SENP6: variants seen among roughly 807,000 people sequenced by gnomAD.
The protein encoded by SENP6 is sentrin-specific protease 6.
SENP6 carries 41 observed loss-of-function variants against 134.5 expected under a neutral mutation model. The observed-to-expected ratio is 0.30, with a 90% confidence interval of 0.24 to 0.40. The LOEUF is 0.40. Among genes scored for constraint, SENP6 ranks in the 10% least tolerant of loss-of-function variants. The pLI is 1.00. For synonymous variants in SENP6, 395 were observed against 429.8 expected, an observed-to-expected ratio of 0.92 and a Z score of 1.00; for missense variants, 1,248 against 1,312.5, an observed-to-expected ratio of 0.95 and a Z score of 0.76.
At chr6:75,642,445 G>A (rs910816888) in intron 6 of SENP6, among the ~76,000 whole-genome samples, 1 of 152,154 alleles carries the variant, frequency 6.6e-6, no homozygotes, top group African/African-American at 2.4e-5. Flanking sequence ...GCAGTGCCAC[G>A]ATCATAAGAA....
chr6:75,612,325 T>C (rs1767515126), intron 1 of SENP6, among the ~76,000 whole-genome samples: 2 of 152,198 alleles, frequency 1.3e-5, no homozygotes, highest in Non-Finnish European at 2.9e-5. Flanking sequence ...TTTAATTCTC[T>C]CTATATTTTC....
chr6:75,688,367 C>T (rs904976904), intron 16 of SENP6, among the ~76,000 whole-genome samples: 8 of 152,212 alleles, frequency 5.3e-5, no homozygotes, highest in Admixed American at 3.3e-4. Flanking sequence ...GGTGATGCCC[C>T]GCCCTGCTTC....
At chr6:75,692,434 A>G (rs1774342114) in intron 16 of SENP6, among the ~76,000 whole-genome samples, 2 of 151,668 alleles carry the variant, frequency 1.3e-5, no homozygotes, top group Non-Finnish European at 2.9e-5. Context: ...ATATTGGGCA[A>G]TATAGCAAGA....
At position 75,602,344 on chromosome 6, in the gene SENP6, G is replaced by A. The variant is rs2149813681; in HGVS notation, c.-181G>A. ...CCCGCCAGCCCGCGGACAGGCCCGG[G>A]CGCGCCTGGCCTGCCTTTGTATAGG... On this transcript the variant is annotated 5_prime_UTR_variant, in exon 1 of 24. Transcript: ENST00000447266. 2 of 572,650 alleles carry A rather than the reference G, an allele frequency of 3.5e-6. No homozygotes were observed. The highest frequency in any genetic ancestry group is 2.0e-5 in the African/African-American group (1 of 49,960). The allele number at this position is 572,650 out of a possible 1,614,324, so 35.5% of individuals were successfully genotyped here. A position where few individuals can be genotyped will look rare whatever the true frequency, so the allele number is the denominator to read the frequency against.
intron 19 of SENP6, 49 bp downstream of exon 19, chr6:75,703,121 G>A: frequency 2.9e-6 from 4 of 1,388,304 alleles, no homozygotes; most frequent in East Asian, 4.6e-5. Flanking sequence ...GAATAATCTG[G>A]ATTTTTTAAT....
intron 18 of SENP6, among the ~76,000 whole-genome samples, chr6:75,698,284 G>A (rs1258370260): frequency 6.6e-6 from 1 of 152,200 alleles, no homozygotes; most frequent in South Asian, 2.1e-4. Context: ...CCTAGGTAAA[G>A]AAGTAGCATT....
chr6:75,643,365 A>T (rs1181953813), intron 6 of SENP6, among the ~76,000 whole-genome samples: 1 of 152,224 alleles, frequency 6.6e-6, no homozygotes, highest in African/African-American at 2.4e-5. Flanking sequence ...GCCACAAGAG[A>T]TGCAAACAAA....
At position 75,707,988 on chromosome 6, in the gene SENP6, A is replaced by G. The variant is rs945190111; in HGVS notation, c.2717-1539A>G. Among the ~76,000 whole-genome samples the G allele has an allele frequency of 6.1e-4, 93 of 152,244 alleles. 1 individual carries two copies. Among genetic ancestry groups the G allele is most frequent in the African/African-American group, 1.4e-3 (57 of 41,546 alleles). On this transcript the variant is annotated intron_variant, in intron 19 of 23. Coordinates refer to ENST00000447266, the MANE Select transcript of SENP6 (RefSeq NM_015571.4). ...GTGCTAGGCCACTGTGCCCGGCCCC[A>G]TAGTGCTTCATTGGTTTATCGGTTA...
intron 16 of SENP6, among the ~76,000 whole-genome samples, chr6:75,692,023 G>A (rs1255811909): frequency 6.6e-6 from 1 of 151,580 alleles, no homozygotes; most frequent in African/African-American, 2.4e-5. Context: ...CACCCGGCTA[G>A]TTTTGTATTT....
At chr6:75,654,900 C>G (rs533053150) in intron 7 of SENP6, 3 of 152,094 alleles carry the variant, frequency 2.0e-5, no homozygotes, top group Non-Finnish European at 4.4e-5. Flanking sequence ...CTTTTCTGTT[C>G]TTGTTTTATG....
rs146931729 is a variant in SENP6 at position 75,616,975 on chromosome 6, G to A, written c.53-4557G>A. Among the ~76,000 whole-genome samples, 176 of 151,742 alleles carry A rather than the reference G, an allele frequency of 1.2e-3. 1 individual carries two copies. The highest frequency in any genetic ancestry group is 4.1e-3 in the African/African-American group (170 of 41,382). ...ACCTCCCAGGCTCAATTGATCCTCC[G>A]TCCAATCCTCCTATCCCAGTCTCCT... On this transcript the variant is annotated intron_variant, in intron 1 of 23. Coordinates refer to ENST00000447266, the MANE Select transcript of SENP6 (RefSeq NM_015571.4).
rs201707953 is a variant in SENP6, at chr6:75,663,236, T to A, written c.712T>A (p.Cys238Ser). 310 of 1,608,994 alleles carry A rather than the reference T, an allele frequency of 1.9e-4. No homozygotes were observed. The highest frequency in any genetic ancestry group is 2.5e-4 in the Non-Finnish European group (294 of 1,178,892). ...TTTTTCTAAGGATTTGCAAAGAAAT[T>A]GCAGACAAGCTATTACTTTGAATGA... ...LTHLEDLQRN[C>S]RQAITLNEST... is the part of the protein sequence containing the mutation. The change falls in exon 9 of 24, where the codon TGC becomes AGC. Residue 238 changes from cysteine (C) to serine (S), a missense_variant. Physicochemically the swap from Cys to Ser is moderately radical, Grantham distance 112. This residue lies in a region of SENP6 where 733 missense variants were observed against 725.4 expected (regional missense o/e 1.01). Transcript: ENST00000447266.
intron 20 of SENP6, 77 bp from the exon 21 acceptor site, chr6:75,711,251 C>G (rs1775727414): frequency 4.1e-6 from 4 of 979,398 alleles, no homozygotes; most frequent in Non-Finnish European, 6.1e-6. Context: ...ATTTTTGTCT[C>G]CAGTGTGCTA....
intron 16 of SENP6, among the ~76,000 whole-genome samples, chr6:75,688,336 C>A (rs1773995076): frequency 6.6e-6 from 1 of 152,202 alleles, no homozygotes; most frequent in Non-Finnish European, 1.5e-5. Flanking sequence ...AATCCCCCAA[C>A]CTGTTGCACT....
intron 18 of SENP6, among the ~76,000 whole-genome samples, chr6:75,699,715 C>T (rs1774904904): frequency 6.6e-6 from 1 of 151,870 alleles, no homozygotes; most frequent in Non-Finnish European, 1.5e-5. Context: ...GTCTCAAACT[C>T]CAGAGCCGAA....
chr6:75,617,217 A>C (rs1582673848), intron 1 of SENP6, among the ~76,000 whole-genome samples: 1 of 149,892 alleles, frequency 6.7e-6, no homozygotes, highest in East Asian at 1.9e-4. Context: ...AATACATTTA[A>C]ATTTATATAG....
chr6:75,701,003 A>T (rs1774987932), intron 18 of SENP6, among the ~76,000 whole-genome samples: 1 of 152,196 alleles, frequency 6.6e-6, no homozygotes, highest in African/African-American at 2.4e-5. Context: ...CGCAATACAG[A>T]AGATGAAGCC....
intron 23 of SENP6, 85 bp from the exon 24 acceptor site, chr6:75,715,300 T>G (rs1775967980): frequency 9.5e-7 from 1 of 1,050,774 alleles, no homozygotes; most frequent in Non-Finnish European, 1.4e-6. Flanking sequence ...TGGGTTTTCT[T>G]ATTTTTAACT....
At chr6:75,646,167 T>C (rs1232047036) in intron 6 of SENP6, among the ~76,000 whole-genome samples, 1 of 152,228 alleles carries the variant, frequency 6.6e-6, no homozygotes, top group East Asian at 1.9e-4. Flanking sequence ...TTTGAAAATA[T>C]GCATTTTATT....
Sources: gnomAD v4.1 joint callset for allele counts (sites outside exome capture counted in the v4.1 genomes callset) on GRCh38, gnomAD v4.1.1 for gene constraint, gnomAD v4.1.1 regional missense constraint, MANE v1.5 for transcripts, NCBI Gene and HGNC (gene_info 2026-07-23, HGNC 2026-07-21) for gene names.